Variants in ATG7 observed in about 807,000 individuals in gnomAD.
ATG7 encodes the protein ubiquitin-like modifier-activating enzyme ATG7.
A neutral mutation model predicts 82.4 loss-of-function variants in ATG7; 70 were observed. The ratio of observed to expected loss-of-function variants is 0.85; its 90% CI spans 0.70 to 1.04. The LOEUF (loss-of-function observed/expected upper bound fraction) is 1.04, where lower values mean the gene tolerates loss of function less well. ATG7 is among the 50% of genes least tolerant of loss of function. The pLI, the probability that ATG7 is intolerant of heterozygous loss-of-function variation, is 0.00. For missense variants in ATG7, 792 were observed against 864.3 expected, an observed-to-expected ratio of 0.92 and a Z score of 1.05; for synonymous variants, 287 against 313.0, an observed-to-expected ratio of 0.92 and a Z score of 0.88.
At chr3:11,409,942 T>C (rs6442252) in intron 19 of ATG7, among the ~76,000 whole-genome samples, 84,085 of 151,904 alleles carry the variant, frequency 0.55, 23,585 homozygotes, top group East Asian at 0.68. Context: ...TTTTTATTCT[T>C]TCACCAACCA....
intron 20 of ATG7, among the ~76,000 whole-genome samples, chr3:11,536,758 G>A (rs1045597829): frequency 1.3e-5 from 2 of 152,174 alleles, no homozygotes; most frequent in Non-Finnish European, 2.9e-5. Flanking sequence ...GGTCACCTAC[G>A]ATTCTGGGTC....
At chr3:11,281,986 T>C (rs995920489) in intron 2 of ATG7, among the ~76,000 whole-genome samples, 7 of 152,148 alleles carry the variant, frequency 4.6e-5, no homozygotes, top group African/African-American at 1.7e-4. Context: ...TAGATTTTAG[T>C]TGTTGGTTGG....
At chr3:11,358,717 G>GT in intron 15 of ATG7, 105 bp downstream of exon 15, 1 of 1,263,718 alleles carries the variant, frequency 7.9e-7, no homozygotes, top group Non-Finnish European at 1.1e-6. Flanking sequence ...TGGTTTGTGT[G>GT]ACCTGGTAGC....
intron 20 of ATG7, among the ~76,000 whole-genome samples, chr3:11,543,347 A>G (rs2070997498): frequency 6.6e-6 from 1 of 151,338 alleles, no homozygotes; most frequent in African/African-American, 2.4e-5. Flanking sequence ...GGCTGGGAGA[A>G]CTCCTCCCTC....
chr3:11,376,242 G>T (rs1575827880), intron 18 of ATG7, among the ~76,000 whole-genome samples: 2 of 152,160 alleles, frequency 1.3e-5, no homozygotes, highest in African/African-American at 4.8e-5. Flanking sequence ...AAAATGTTCT[G>T]AAATTAGATA....
chr3:11,277,891 A>AGCC (rs1942170487), intron 1 of ATG7, among the ~76,000 whole-genome samples: 1 of 60,770 alleles, frequency 1.6e-5, no homozygotes, highest in Admixed American at 2.7e-4. Context: ...CCCTTTATAG[A>AGCC]CCCCCCCCCC....
intron 20 of ATG7, among the ~76,000 whole-genome samples, chr3:11,519,538 A>ATTT (rs2092376804): frequency 1.3e-5 from 1 of 77,690 alleles, no homozygotes; most frequent in Non-Finnish European, 2.5e-5. Flanking sequence ...CAGTGAGAGG[A>ATTT]GTTTTTTTTT....
downstream of ATG7, among the ~76,000 whole-genome samples, chr3:11,561,519 G>A (rs114146383): frequency 0.013 from 2,004 of 152,238 alleles, 50 homozygotes; most frequent in African/African-American, 0.045. Context: ...GTGAGCCCTC[G>A]TGGGACTGGC....
chr3:11,295,365 A>G (rs535098565), intron 3 of ATG7, among the ~76,000 whole-genome samples: 16 of 152,262 alleles, frequency 1.1e-4, no homozygotes, highest in African/African-American at 3.9e-4. Flanking sequence ...CATTCATTCA[A>G]AATTGGATTT....
chr3:11,549,087 A>G (rs1177877935), intron 20 of ATG7, among the ~76,000 whole-genome samples: 1 of 151,646 alleles, frequency 6.6e-6, no homozygotes, highest in African/African-American at 2.4e-5. Flanking sequence ...AATCAGCTGT[A>G]TTGTGTGATT....
the ATG7 span, among the ~76,000 whole-genome samples, chr3:11,564,372 C>A: frequency 4.0e-5 from 6 of 150,742 alleles, no homozygotes; most frequent in Non-Finnish European, 7.4e-5. Flanking sequence ...CATTTCCCTT[C>A]ATCCGCGTGA....
intron 19 of ATG7, among the ~76,000 whole-genome samples, chr3:11,425,190 C>T (rs193136899): frequency 2.9e-4 from 44 of 152,278 alleles, no homozygotes; most frequent in African/African-American, 9.4e-4. Context: ...TCCTGAACTC[C>T]TAAGCTCAAG....
intron 19 of ATG7, among the ~76,000 whole-genome samples, chr3:11,387,119 C>T (rs944026286): frequency 2.0e-5 from 3 of 152,216 alleles, no homozygotes; most frequent in Admixed American, 6.5e-5. Context: ...ACAAAGACCC[C>T]TGTGATTGCA....
intron 19 of ATG7, among the ~76,000 whole-genome samples, chr3:11,415,520 T>G (rs2081297531): frequency 6.6e-6 from 1 of 152,214 alleles, no homozygotes; most frequent in African/African-American, 2.4e-5. Flanking sequence ...CATTTTTTCT[T>G]TATACCCTTA....
downstream of ATG7, among the ~76,000 whole-genome samples, chr3:11,561,208 C>A (rs573867859): frequency 5.3e-5 from 8 of 152,230 alleles, no homozygotes; most frequent in African/African-American, 1.4e-4. Context: ...CTGACCCACG[C>A]AAATGTGGGG....
At chr3:11,494,772 A>G (rs900597099) in intron 20 of ATG7, among the ~76,000 whole-genome samples, 2 of 152,010 alleles carry the variant, frequency 1.3e-5, no homozygotes, top group Non-Finnish European at 2.9e-5. Flanking sequence ...GGACTCATGC[A>G]CTCTGTAAAG....
chr3:11,515,442 T>C (rs986918998), intron 20 of ATG7, among the ~76,000 whole-genome samples: 17 of 152,234 alleles, frequency 1.1e-4, no homozygotes, highest in African/African-American at 4.1e-4. Context: ...TAGCTGGGAT[T>C]ACAGGCCCGT....
At chr3:11,482,975 A>G (rs1038877078) in intron 20 of ATG7, among the ~76,000 whole-genome samples, 1 of 151,938 alleles carries the variant, frequency 6.6e-6, no homozygotes, top group African/African-American at 2.4e-5. Context: ...CCCTAATGAT[A>G]ACTACAATTC....
At chr3:11,495,325 G>T (rs1281656394) in intron 20 of ATG7, among the ~76,000 whole-genome samples, 2 of 152,178 alleles carry the variant, frequency 1.3e-5, no homozygotes, top group Non-Finnish European at 2.9e-5. Flanking sequence ...TCCTGCTACA[G>T]GTAGTAGTGT....
Sources: allele counts gnomAD v4.1 joint callset (sites outside exome capture counted in the v4.1 genomes callset), GRCh38; gene constraint gnomAD v4.1.1; transcripts MANE v1.5; gene names NCBI Gene and HGNC (gene_info 2026-07-23, HGNC 2026-07-21).